LARGE1: variants seen among roughly 807,000 people sequenced by gnomAD.
LARGE1 encodes the protein LARGE xylosyl- and glucuronyltransferase 1.
LARGE1 carries 43 observed loss-of-function variants against 87.6 expected under a neutral mutation model. The observed-to-expected ratio is 0.49, with a 90% CI of 0.38 to 0.63. The LOEUF (loss-of-function observed/expected upper bound fraction) is 0.63. Among genes scored for constraint, LARGE1 ranks in the 30% least tolerant of loss-of-function variants. LARGE1 has a pLI of 0.00. For missense variants in LARGE1, 802 were observed against 1,000.2 expected (o/e 0.80, Z 2.67); for synonymous variants, 434 against 394.6 (o/e 1.10, Z -1.18).
chr22:33,715,305 G>A (rs891967341), intron 2 of LARGE1, among the ~76,000 whole-genome samples: 2 of 152,060 alleles, frequency 1.3e-5, no homozygotes, highest in East Asian at 1.9e-4. Context: ...CCACCAATAG[G>A]GTGGTCTTTT....
intron 5 of LARGE1, among the ~76,000 whole-genome samples, chr22:33,566,055 CAGGAT>C (rs542825571): frequency 1.4e-5 from 2 of 148,096 alleles, no homozygotes; most frequent in South Asian, 4.5e-4. Context: ...GCCACCTTCT[CAGGAT>C]TCCAAAAAAT....
At chr22:33,259,071 G>C (rs1040464064) in intron 11 of LARGE1, among the ~76,000 whole-genome samples, 6 of 152,006 alleles carry the variant, frequency 3.9e-5, no homozygotes, top group Non-Finnish European at 8.8e-5. Context: ...GTAGAGACGA[G>C]ATTTCACCAT....
intron 6 of LARGE1, among the ~76,000 whole-genome samples, chr22:33,495,519 G>C (rs2070068280): frequency 6.6e-6 from 1 of 152,146 alleles, no homozygotes; most frequent in African/African-American, 2.4e-5. Context: ...AGGAGTTCGA[G>C]ACCAGCCTGA....
intron 11 of LARGE1, among the ~76,000 whole-genome samples, chr22:33,182,857 T>C (rs1309099185): frequency 6.6e-6 from 1 of 152,118 alleles, no homozygotes. Flanking sequence ...AACCATAAAA[T>C]GCCTAGAAGA....
rs74932470 is a variant in LARGE1, at chr22:33,664,174, G to A, written c.107-13506C>T. Among the ~76,000 whole-genome samples, 494 of 152,324 alleles carry A rather than the reference G, an allele frequency of 3.2e-3. 4 individuals are homozygous for A. Among genetic ancestry groups the A allele is most frequent in the Admixed American group, 7.1e-3 (109 of 15,312 alleles). On this transcript the variant is annotated intron_variant, in intron 2 of 14. Coordinates refer to ENST00000397394, the MANE Select transcript of LARGE1 (RefSeq NM_133642.5). The stretch of plus-strand genomic sequence containing the variant: ...GTGCCTGGCACAACGTGTATACACC[G>A]TGGCCATTCCTACACAGCCACAACA...
intron 6 of LARGE1, among the ~76,000 whole-genome samples, chr22:33,533,724 C>A (rs918359795): frequency 3.3e-5 from 5 of 152,172 alleles, no homozygotes; most frequent in Non-Finnish European, 5.9e-5. Flanking sequence ...CCCACTTCAT[C>A]TTCTAATTTT....
At chr22:33,641,885 A>G (rs2080445608) in intron 3 of LARGE1, among the ~76,000 whole-genome samples, 1 of 152,244 alleles carries the variant, frequency 6.6e-6, no homozygotes, top group Admixed American at 6.5e-5. Flanking sequence ...GACTATGTGA[A>G]AAGAACAAAC....
intron 5 of LARGE1, among the ~76,000 whole-genome samples, chr22:33,567,983 G>A (rs2148802956): frequency 6.6e-6 from 1 of 152,306 alleles, no homozygotes; most frequent in East Asian, 1.9e-4. Context: ...CTCTCCTGGG[G>A]AATCTAAGGA....
At chr22:33,081,724 T>C in the LARGE1 span, among the ~76,000 whole-genome samples, 1 of 152,296 alleles carries the variant, frequency 6.6e-6, no homozygotes, top group East Asian at 1.9e-4. Flanking sequence ...CCCTCATGTC[T>C]ATCCAGAACC....
At chr22:33,607,582 C>T (rs937347513) in intron 4 of LARGE1, among the ~76,000 whole-genome samples, 3 of 151,318 alleles carry the variant, frequency 2.0e-5, no homozygotes, top group Non-Finnish European at 2.9e-5. Flanking sequence ...GAGCAGAAGG[C>T]AACACTGGGG....
intron 1 of LARGE1, among the ~76,000 whole-genome samples, chr22:33,917,211 T>C (rs1234814959): frequency 6.6e-6 from 1 of 152,242 alleles, no homozygotes; most frequent in African/African-American, 2.4e-5. Context: ...GACAGTATTC[T>C]AAACTAAGCA....
chr22:33,225,059 G>A (rs1925662944), intron 11 of LARGE1, among the ~76,000 whole-genome samples: 1 of 152,190 alleles, frequency 6.6e-6, no homozygotes, highest in Non-Finnish European at 1.5e-5. Flanking sequence ...CTCTGGCATG[G>A]GCTGTCAGGG....
intron 6 of LARGE1, among the ~76,000 whole-genome samples, chr22:33,503,349 C>T (rs1044967843): frequency 2.7e-5 from 4 of 149,990 alleles, no homozygotes; most frequent in Non-Finnish European, 4.4e-5. Context: ...CTCCGCCTTC[C>T]GGGTTCAAGC....
chr22:33,869,662 C>A (rs1375340432), intron 1 of LARGE1, among the ~76,000 whole-genome samples: 1 of 152,180 alleles, frequency 6.6e-6, no homozygotes, highest in African/African-American at 2.4e-5. Context: ...TAGGTGTGTA[C>A]CCTCATGTCA....
chr22:33,465,590 C>T (rs1474399921), intron 6 of LARGE1, among the ~76,000 whole-genome samples: 1 of 152,190 alleles, frequency 6.6e-6, no homozygotes, highest in East Asian at 1.9e-4. Flanking sequence ...CTGCAGAAAA[C>T]CTCCAGGTGG....
rs191719877 is a variant in LARGE1, at chr22:33,433,944, C to T, written c.788-1679G>A. On this transcript the variant is annotated intron_variant, in intron 6 of 14. Coordinates refer to ENST00000397394, the MANE Select transcript of LARGE1 (RefSeq NM_133642.5). ...TAAGCTCCTATCTAAATCATCACCC[C>T]GGGCACAAATACATAAATCAGAGGC... 9.2e-5 allele frequency among the ~76,000 whole-genome samples: 14 copies of T among 152,236 alleles called. No individual in the cohort carries two copies. The East Asian group carries it at 9.7e-4, about 11-fold the overall frequency.
the LARGE1 span, among the ~76,000 whole-genome samples, chr22:33,074,545 C>T: frequency 1.0e-3 from 152 of 152,034 alleles, 2 homozygotes; most frequent in Non-Finnish European, 1.9e-3. Context: ...TGTGGTGCCG[C>T]GTGCCTGTAG....
intron 9 of LARGE1, among the ~76,000 whole-genome samples, chr22:33,344,495 A>G (rs1939518525): frequency 6.6e-6 from 1 of 152,150 alleles, no homozygotes; most frequent in Admixed American, 6.5e-5. Context: ...GTGGAAAGAA[A>G]CCAAGACCCA....
intron 11 of LARGE1, among the ~76,000 whole-genome samples, chr22:33,195,749 C>CTTTTTTTTT (rs201916623): frequency 2.5e-4 from 22 of 89,690 alleles, no homozygotes; most frequent in African/African-American, 5.4e-4. Flanking sequence ...TTTCTTTTTT[C>CTTTTTTTTT]TTTTTTCTTT....
Sources: gnomAD v4.1 joint callset for allele counts (sites outside exome capture counted in the v4.1 genomes callset) on GRCh38, gnomAD v4.1.1 for gene constraint, MANE v1.5 for transcripts, NCBI Gene and HGNC (gene_info 2026-07-23, HGNC 2026-07-21) for gene names.